EIF4G3: variants seen among roughly 807,000 people sequenced by gnomAD.
The protein encoded by EIF4G3 is eukaryotic translation initiation factor 4 gamma 3.
EIF4G3 carries 34 observed loss-of-function variants against 186.4 expected under a neutral mutation model. That is an observed-to-expected ratio of 0.18 (90% CI 0.14 to 0.24). EIF4G3 has a LOEUF of 0.24. Among genes scored for constraint, EIF4G3 ranks in the 10% least tolerant of loss-of-function variants. The pLI, the probability that EIF4G3 is intolerant of heterozygous loss-of-function variation, is 1.00. For synonymous variants in EIF4G3, 673 were observed against 679.5 expected (o/e 0.99, Z 0.15); for missense variants, 1,536 against 1,948.5 (o/e 0.79, Z 3.99).
intron 18 of EIF4G3, chr1:20,892,527 G>T: frequency 1.1e-6 from 1 of 952,096 alleles, no homozygotes; most frequent in South Asian, 1.4e-5. Flanking sequence ...TTAAAATTTT[G>T]ACTTAACAAT....
intron 20 of EIF4G3, among the ~76,000 whole-genome samples, chr1:20,877,301 C>G (rs1478534655): frequency 1.3e-5 from 2 of 152,184 alleles, no homozygotes; most frequent in African/African-American, 4.8e-5. Flanking sequence ...TAGTTTGCTT[C>G]CATATAACTA....
At chr1:21,028,129 G>T (rs1023689923) in intron 4 of EIF4G3, among the ~76,000 whole-genome samples, 1 of 152,162 alleles carries the variant, frequency 6.6e-6, no homozygotes, top group African/African-American at 2.4e-5. Context: ...GGGTGCAAAG[G>T]GAGGGGTCAA....
chr1:20,825,242 G>C, intron 32 of EIF4G3, 44 bp from the exon 33 acceptor site: 9 of 295,156 alleles, frequency 3.0e-5, no homozygotes, highest in East Asian at 6.2e-5. Flanking sequence ...CACAGTGGAA[G>C]AAGAAACAGA....
At chr1:21,029,403 A>G (rs1450797392) in intron 4 of EIF4G3, among the ~76,000 whole-genome samples, 2 of 151,988 alleles carry the variant, frequency 1.3e-5, no homozygotes, top group Non-Finnish European at 2.9e-5. Flanking sequence ...GAGCAAGAAC[A>G]GAGGAAAAGA....
At chr1:20,975,159 T>C (rs971624447) in intron 10 of EIF4G3, among the ~76,000 whole-genome samples, 1 of 151,866 alleles carries the variant, frequency 6.6e-6, no homozygotes, top group African/African-American at 2.4e-5. Context: ...AAAAAAAAAA[T>C]CTCAGTCATC....
intron 2 of EIF4G3, among the ~76,000 whole-genome samples, chr1:21,157,206 G>A (rs1463855226): frequency 1.3e-5 from 2 of 151,856 alleles, no homozygotes; most frequent in Non-Finnish European, 2.9e-5. Context: ...CCTAACCACT[G>A]ACCACGACTC....
At chr1:20,855,955 C>T (rs183018139) in intron 25 of EIF4G3, among the ~76,000 whole-genome samples, 66 of 152,192 alleles carry the variant, frequency 4.3e-4, no homozygotes, top group African/African-American at 1.4e-3. Context: ...TATCCAAGCA[C>T]GGAAAGCATA....
chr1:20,850,622 C>A (rs960816181), intron 28 of EIF4G3, among the ~76,000 whole-genome samples: 2 of 152,232 alleles, frequency 1.3e-5, no homozygotes, highest in Middle Eastern at 3.4e-3. Flanking sequence ...TTTTTGAAAA[C>A]CTTGTATTTA....
At position 20,865,115 on chromosome 1, in the gene EIF4G3, C is replaced by T; in HGVS notation, c.2769+1G>A. The stretch of plus-strand genomic sequence containing the variant: ...CACTGTCTTTCTATGAAAATACTTA[C>T]AGCACTGGCAGCCTCAAGTTCTTTC... On this transcript the variant is annotated splice_donor_variant, in intron 21 of 36. Coordinates refer to ENST00000602326, the MANE Select transcript of EIF4G3 (RefSeq NM_001391906.1). LOFTEE classifies it high-confidence loss of function. 6.2e-7 allele frequency: 1 copy of T among 1,614,012 alleles called. No homozygotes were observed. Among genetic ancestry groups the T allele is most frequent in the Non-Finnish European group, 8.5e-7 (1 of 1,179,940 alleles).
At chr1:21,068,545 T>G (rs1475485700) in intron 3 of EIF4G3, among the ~76,000 whole-genome samples, 2 of 152,090 alleles carry the variant, frequency 1.3e-5, no homozygotes, top group Non-Finnish European at 2.9e-5. Flanking sequence ...GCACAGTGTC[T>G]GGGACACTGT....
intron 14 of EIF4G3, among the ~76,000 whole-genome samples, chr1:20,921,929 A>G (rs535725703): frequency 1.6e-4 from 25 of 152,276 alleles, no homozygotes; most frequent in African/African-American, 5.1e-4. Flanking sequence ...TTTGGTGCTT[A>G]TATCTGCTTA....
intron 34 of EIF4G3, among the ~76,000 whole-genome samples, chr1:20,813,896 T>C (rs1358102906): frequency 2.7e-5 from 4 of 147,416 alleles, no homozygotes; most frequent in South Asian, 4.3e-4. Flanking sequence ...ATCAGATAAA[T>C]GATCTCTTGA....
At chr1:21,022,961 C>T (rs747195127) in intron 4 of EIF4G3, among the ~76,000 whole-genome samples, 15 of 152,246 alleles carry the variant, frequency 9.9e-5, no homozygotes, top group South Asian at 6.2e-4. Context: ...TTCTTTCCTT[C>T]GAGGATGCTA....
chr1:21,173,025 A>C (rs561591400), intron 2 of EIF4G3, among the ~76,000 whole-genome samples: 49 of 150,054 alleles, frequency 3.3e-4, no homozygotes, highest in African/African-American at 1.2e-3. Flanking sequence ...TGTAGTCCCA[A>C]CTACTCAGGA....
rs548828287 is a variant in EIF4G3, at chr1:20,942,743, G to A, written c.824-413C>T. Among the ~76,000 whole-genome samples the A allele has an allele frequency of 9.4e-4, 143 of 152,088 alleles. 4 individuals carry two copies. In the South Asian group the frequency reaches 0.019, roughly 21 times the overall value. ...ATATTACAGTGGCAAAACAGTACAA[G>A]GGCAAACAATTAAAAATTAAATTAT... On this transcript the variant is annotated intron_variant, in intron 13 of 36. Coordinates refer to ENST00000602326, the MANE Select transcript of EIF4G3 (RefSeq NM_001391906.1).
chr1:21,059,493 T>C (rs2094769876), intron 3 of EIF4G3, among the ~76,000 whole-genome samples: 1 of 152,204 alleles, frequency 6.6e-6, no homozygotes, highest in Non-Finnish European at 1.5e-5. Flanking sequence ...GTTTTACTTA[T>C]ACATGACACC....
Position 21,145,741 on chromosome 1 carries a change from T to C in EIF4G3, c.-272+30434A>G, listed in dbSNP as rs144708495. Among the ~76,000 whole-genome samples, 1,410 of 152,212 alleles carry C rather than the reference T, an allele frequency of 9.3e-3. 9 individuals carry two copies. The highest frequency in any genetic ancestry group is 0.017 in the Middle Eastern group (5 of 294). ...TAAAATTTGGTTACTTACAAATCTC[T>C]ATGGCAAAATCTAGCCAATATCACA... On this transcript the variant is annotated intron_variant, in intron 2 of 36. Transcript: ENST00000602326.
chr1:20,967,980 A>AC (rs1477652601), intron 12 of EIF4G3, among the ~76,000 whole-genome samples: 1 of 152,058 alleles, frequency 6.6e-6, no homozygotes, highest in Non-Finnish European at 1.5e-5. Context: ...TTTTTAAGGG[A>AC]CAGGATCTTG....
At chr1:20,950,806 T>A (rs1161406953) in intron 12 of EIF4G3, among the ~76,000 whole-genome samples, 2 of 152,014 alleles carry the variant, frequency 1.3e-5, no homozygotes, top group East Asian at 1.9e-4. Context: ...GCCATCAAAA[T>A]CCAAGCAGGA....
Sources: allele counts gnomAD v4.1 joint callset (sites outside exome capture counted in the v4.1 genomes callset), GRCh38; gene constraint gnomAD v4.1.1; transcripts MANE v1.5; gene names NCBI Gene and HGNC (gene_info 2026-07-23, HGNC 2026-07-21).